Variants in KCND2 observed in about 807,000 individuals in gnomAD.
KCND2 encodes potassium voltage-gated channel subfamily D member 2.
A neutral mutation model predicts 54.4 loss-of-function variants in KCND2; 16 were observed. The observed-to-expected ratio is 0.29, with a 90% CI of 0.20 to 0.45. The LOEUF (loss-of-function observed/expected upper bound fraction) is 0.45, where lower values mean the gene tolerates loss of function less well. Ranked by LOEUF, KCND2 falls within the 20% of genes least tolerant of loss-of-function variation. KCND2 has a pLI of 1.00. For missense variants in KCND2, 486 were observed against 824.2 expected (o/e 0.59, Z 5.02); for synonymous variants, 317 against 310.7 (o/e 1.02, Z -0.21).
intron 1 of KCND2, among the ~76,000 whole-genome samples, chr7:120,317,753 T>C (rs1164759112): frequency 6.6e-6 from 1 of 152,182 alleles, no homozygotes; most frequent in Admixed American, 6.6e-5. Flanking sequence ...AGATTATTGC[T>C]TCTGTGCATG....
rs142254279 is a variant in KCND2 at position 120,402,146 on chromosome 7, C to T, written c.1115+126399C>T. 8.2e-4 allele frequency among the ~76,000 whole-genome samples: 125 copies of T among 152,238 alleles called. 2 individuals carry two copies. The East Asian group carries it at 0.016, about 20-fold the overall frequency. On this transcript the variant is annotated intron_variant, in intron 1 of 5. Transcript: ENST00000331113. ...CATCTTGACTTGTTTTAACAAGATT[C>T]TAATGCTTTGTATTTCATTTATAGA...
At chr7:120,588,404 T>A (rs189593574) in intron 1 of KCND2, among the ~76,000 whole-genome samples, 204 of 129,348 alleles carry the variant, frequency 1.6e-3, no homozygotes, top group South Asian at 5.1e-3. Context: ...AACTGTGCAG[T>A]GTGTGTGTGT....
At chr7:120,450,597 A>G (rs928010250) in intron 1 of KCND2, among the ~76,000 whole-genome samples, 9 of 152,210 alleles carry the variant, frequency 5.9e-5, no homozygotes, top group Admixed American at 1.3e-4. Flanking sequence ...ATGTACACCA[A>G]TGGAAACCCT....
intron 1 of KCND2, among the ~76,000 whole-genome samples, chr7:120,680,850 A>G (rs1342333832): frequency 6.6e-6 from 1 of 152,046 alleles, no homozygotes; most frequent in Non-Finnish European, 1.5e-5. Context: ...TATAGGGAAT[A>G]GTGATAATTT....
intron 1 of KCND2, among the ~76,000 whole-genome samples, chr7:120,586,705 G>C (rs897816275): frequency 2.0e-5 from 3 of 152,154 alleles, no homozygotes; most frequent in African/African-American, 7.2e-5. Flanking sequence ...CTGACTTGCA[G>C]AGGATTTTTT....
intron 1 of KCND2, among the ~76,000 whole-genome samples, chr7:120,312,469 C>T (rs1419415300): frequency 6.6e-6 from 1 of 152,036 alleles, no homozygotes; most frequent in Non-Finnish European, 1.5e-5. Context: ...ATAAGAAAAG[C>T]AAACTGACTC....
chr7:120,610,815 G>C (rs759118413), intron 1 of KCND2, among the ~76,000 whole-genome samples: 1 of 152,120 alleles, frequency 6.6e-6, no homozygotes, highest in Non-Finnish European at 1.5e-5. Context: ...AACATTAACA[G>C]GGTACTACTC....
chr7:120,652,040 C>A (rs1451588744), intron 1 of KCND2, among the ~76,000 whole-genome samples: 1 of 151,990 alleles, frequency 6.6e-6, no homozygotes, highest in Non-Finnish European at 1.5e-5. Flanking sequence ...AACCAAAATT[C>A]TCCTATCCCA....
chr7:120,511,344 C>T (rs1252193433), intron 1 of KCND2, among the ~76,000 whole-genome samples: 1 of 151,992 alleles, frequency 6.6e-6, no homozygotes, highest in Non-Finnish European at 1.5e-5. Context: ...TTAAATTGCT[C>T]ATTTGTTTTT....
chr7:120,378,742 A>C (rs1800871182), intron 1 of KCND2, among the ~76,000 whole-genome samples: 1 of 151,982 alleles, frequency 6.6e-6, no homozygotes, highest in South Asian at 2.1e-4. Flanking sequence ...TAATTCAAAA[A>C]TGCCAACATC....
At chr7:120,678,817 T>C (rs1279275429) in intron 1 of KCND2, among the ~76,000 whole-genome samples, 1 of 149,006 alleles carries the variant, frequency 6.7e-6, no homozygotes, top group Non-Finnish European at 1.5e-5. Context: ...GAGGGCTTAT[T>C]GTGAATATAA....
At position 120,552,753 on chromosome 7, in the gene KCND2, T is replaced by C. The variant is rs926675056; in HGVS notation, c.1116-180150T>C. 3.3e-5 allele frequency among the ~76,000 whole-genome samples: 5 copies of C among 152,272 alleles called. No homozygotes were observed. In the South Asian group the frequency reaches 1.0e-3, roughly 32 times the overall value. On this transcript the variant is annotated intron_variant, in intron 1 of 5. Coordinates refer to ENST00000331113, the MANE Select transcript of KCND2 (RefSeq NM_012281.3). ...AAGGTCAGGGAGTCCTGCATACACC[T>C]GCAATTTCTTAAATTGATTCAGCTT...
At chr7:120,639,206 T>C (rs1294259020) in intron 1 of KCND2, among the ~76,000 whole-genome samples, 1 of 152,070 alleles carries the variant, frequency 6.6e-6, no homozygotes, top group Non-Finnish European at 1.5e-5. Flanking sequence ...AGATAGAAAA[T>C]TCTATCAATT....
intron 1 of KCND2, among the ~76,000 whole-genome samples, chr7:120,333,044 GA>G (rs1209841383): frequency 6.6e-6 from 1 of 152,016 alleles, no homozygotes; most frequent in Non-Finnish European, 1.5e-5. Context: ...GTATCTTCTA[GA>G]ATTTGTCTTC....
chr7:120,360,817 A>G (rs1446647729), intron 1 of KCND2, among the ~76,000 whole-genome samples: 1 of 152,138 alleles, frequency 6.6e-6, no homozygotes, highest in Admixed American at 6.6e-5. Context: ...ATGGATGGAA[A>G]TGCATAGCTT....
intron 1 of KCND2, among the ~76,000 whole-genome samples, chr7:120,707,152 A>G (rs1792479008): frequency 6.6e-6 from 1 of 152,162 alleles, no homozygotes; most frequent in Non-Finnish European, 1.5e-5. Flanking sequence ...ATCAATTAGA[A>G]CTGAACCTTT....
intron 1 of KCND2, among the ~76,000 whole-genome samples, chr7:120,405,713 T>C (rs1250697025): frequency 1.3e-5 from 2 of 151,998 alleles, no homozygotes; most frequent in Non-Finnish European, 2.9e-5. Context: ...TTTAAAAACC[T>C]TCTTGTTTGT....
rs1289912788 is a variant in KCND2, at chr7:120,749,305, A to G, written c.*1447A>G. The G allele has an allele frequency of 6.6e-6, 1 of 152,120 alleles. No homozygotes were observed. Among genetic ancestry groups the G allele is most frequent in the Non-Finnish European group, 1.5e-5 (1 of 67,858 alleles). 9.4% of individuals were successfully genotyped at this position (152,120 alleles called of 1,614,324 possible). On this transcript the variant is annotated 3_prime_UTR_variant, in exon 6 of 6. Coordinates refer to ENST00000331113, the MANE Select transcript of KCND2 (RefSeq NM_012281.3). ...TTGCAAGGTACAATTTTCTCCAATA[A>G]ATCAGGAGAACAGGAGTTTGATGAT...
chr7:120,680,429 G>T (rs560488783), intron 1 of KCND2, among the ~76,000 whole-genome samples: 1 of 152,020 alleles, frequency 6.6e-6, no homozygotes. Flanking sequence ...CTGTTTCATC[G>T]CCGTATAAAT....
Sources: gnomAD v4.1 joint callset for allele counts (sites outside exome capture counted in the v4.1 genomes callset) on GRCh38, gnomAD v4.1.1 for gene constraint, MANE v1.5 for transcripts, NCBI Gene and HGNC (gene_info 2026-07-23, HGNC 2026-07-21) for gene names.